The following ST8SIA2 variants were observed in gnomAD, a reference collection of about 807,000 sequenced individuals.
The protein encoded by ST8SIA2 is alpha-2,8-sialyltransferase 8B.
Under a neutral mutation model 37.6 loss-of-function variants are expected in ST8SIA2, and 22 were observed. The observed-to-expected ratio is 0.58, with a 90% CI of 0.42 to 0.83. The LOEUF is 0.83. ST8SIA2 is among the 40% of genes least tolerant of loss of function. The probability of loss-of-function intolerance (pLI) is 0.00; values close to 1 mark genes in which losing one functional copy is unlikely to be tolerated. For missense variants in ST8SIA2, 382 were observed against 484.7 expected (o/e 0.79, Z 1.99); for synonymous variants, 205 against 201.2 (o/e 1.02, Z -0.16).
intron 1 of ST8SIA2, among the ~76,000 whole-genome samples, chr15:92,398,217 G>T (rs910737070): frequency 6.6e-6 from 1 of 152,198 alleles, no homozygotes; most frequent in Non-Finnish European, 1.5e-5. Context: ...TCTCCCTGTA[G>T]AAACCTTTCC....
chr15:92,430,672 C>A lies in ST8SIA2; in HGVS notation c.161+561C>A, dbSNP rs570793584. On this transcript the variant is annotated intron_variant, in intron 2 of 5. Coordinates refer to ENST00000268164, the MANE Select transcript of ST8SIA2 (RefSeq NM_006011.4). ...GGACAGCTTGATGCAGGACAGCGTGCAAACCCAGGCTTGCCCCTGGCTGTG... is the reference window on the plus strand; with the variant it reads ...GGACAGCTTGATGCAGGACAGCGTGAAAACCCAGGCTTGCCCCTGGCTGTG... Among the ~76,000 whole-genome samples the A allele has an allele frequency of 1.8e-4, 27 of 152,320 alleles. No homozygotes were observed. The Middle Eastern group carries it at 0.017, about 96-fold the overall frequency.
chr15:92,446,459 G>A (rs960476918), intron 5 of ST8SIA2, among the ~76,000 whole-genome samples: 2 of 152,168 alleles, frequency 1.3e-5, no homozygotes, highest in African/African-American at 4.8e-5. Flanking sequence ...AGTAGACATA[G>A]ATCCTGCCTC....
intron 1 of ST8SIA2, among the ~76,000 whole-genome samples, chr15:92,421,864 G>A (rs77986102): frequency 0.026 from 4,009 of 152,222 alleles, 180 homozygotes; most frequent in African/African-American, 0.089. Context: ...CATGATGGCT[G>A]GAATAATAAC....
chr15:92,422,916 C>T (rs2049647443), intron 1 of ST8SIA2, among the ~76,000 whole-genome samples: 2 of 152,192 alleles, frequency 1.3e-5, no homozygotes, highest in Admixed American at 6.5e-5. Flanking sequence ...TTTCCTTGCT[C>T]ATCTCTGTGA....
At chr15:92,405,635 A>G (rs1176429008) in intron 1 of ST8SIA2, among the ~76,000 whole-genome samples, 1 of 152,260 alleles carries the variant, frequency 6.6e-6, no homozygotes, top group Admixed American at 6.5e-5. Context: ...TTTTAAAAAT[A>G]ATACAGGACC....
intron 1 of ST8SIA2, among the ~76,000 whole-genome samples, chr15:92,428,621 G>A (rs1023357123): frequency 1.1e-4 from 16 of 152,116 alleles, no homozygotes; most frequent in Admixed American, 3.3e-4. Flanking sequence ...CGACATTCCC[G>A]GACCCCAACA....
intron 5 of ST8SIA2, among the ~76,000 whole-genome samples, chr15:92,463,421 G>A (rs1265321678): frequency 6.6e-6 from 1 of 152,176 alleles, no homozygotes; most frequent in African/African-American, 2.4e-5. Context: ...GTCAGAGATG[G>A]GTATCAGAGA....
intron 5 of ST8SIA2, among the ~76,000 whole-genome samples, chr15:92,457,445 A>T (rs1223724930): frequency 1.3e-5 from 2 of 152,212 alleles, no homozygotes; most frequent in East Asian, 3.8e-4. Context: ...TGGGGTAGCC[A>T]ATTTGAAAAA....
At chr15:92,442,745 T>C (rs1313965069) in intron 4 of ST8SIA2, among the ~76,000 whole-genome samples, 1 of 152,182 alleles carries the variant, frequency 6.6e-6, no homozygotes, top group African/African-American at 2.4e-5. Flanking sequence ...CCCAGGGCAA[T>C]CCTATCTGCT....
intron 5 of ST8SIA2, among the ~76,000 whole-genome samples, chr15:92,448,292 G>A (rs1266162858): frequency 6.6e-6 from 1 of 152,170 alleles, no homozygotes; most frequent in African/African-American, 2.4e-5. Context: ...TCCCTCCGTG[G>A]GGCCATTGGA....
At chr15:92,404,471 T>C (rs2049493115) in intron 1 of ST8SIA2, among the ~76,000 whole-genome samples, 1 of 151,976 alleles carries the variant, frequency 6.6e-6, no homozygotes, top group African/African-American at 2.4e-5. Context: ...TCAAAAAATT[T>C]AACGTAGAAT....
chr15:92,393,923 G>A lies in ST8SIA2; in HGVS notation c.-142G>A. On this transcript the variant is annotated 5_prime_UTR_variant, in exon 1 of 6. Coordinates refer to ENST00000268164, the MANE Select transcript of ST8SIA2 (RefSeq NM_006011.4). ...CGCTGCCGCTGCCGCTGCCGCTGCC[G>A]CCGCCGGCCCGGACTCGTCCGGAGC... 1 of 317,884 alleles carries A rather than the reference G, an allele frequency of 3.1e-6. No homozygotes were observed. 19.7% of individuals were successfully genotyped at this position (317,884 alleles called of 1,614,324 possible).
At position 92,425,708 on chromosome 15, in the gene ST8SIA2, C is replaced by A. The variant is rs75067788; in HGVS notation, c.99-4341C>A. On this transcript the variant is annotated intron_variant, in intron 1 of 5. Transcript: ENST00000268164. ...AAGAATGGGCACGGTGGGGCCAGAG[C>A]GGGTCTAGGATTGGCTAGTTTGAGT... Among the ~76,000 whole-genome samples, 614 of 152,158 alleles carry A rather than the reference C, an allele frequency of 4.0e-3. 9 individuals carry two copies. The highest frequency in any genetic ancestry group is 0.014 in the African/African-American group (592 of 41,494).
intron 1 of ST8SIA2, among the ~76,000 whole-genome samples, chr15:92,426,446 G>A (rs956640357): frequency 6.6e-6 from 1 of 152,138 alleles, no homozygotes; most frequent in Non-Finnish European, 1.5e-5. Context: ...CCAAAATATC[G>A]AGTGCCGAGG....
chr15:92,461,446 G>A (rs3825983), intron 5 of ST8SIA2, among the ~76,000 whole-genome samples: 9,669 of 152,272 alleles, frequency 0.063, 567 homozygotes, highest in East Asian at 0.33. Context: ...GACAGCAGGA[G>A]AGATAACCTT....
Position 92,464,815 on chromosome 15 carries a change from A to T in ST8SIA2, c.*430A>T, listed in dbSNP as rs1283421410. 4.8e-6 allele frequency: 1 copy of T among 207,298 alleles called. No homozygotes were observed. Among genetic ancestry groups the T allele is most frequent in the Non-Finnish European group, 9.9e-6 (1 of 101,394 alleles). The allele number at this position is 207,298 out of a possible 1,614,324, so 12.8% of individuals were successfully genotyped here. The stretch of plus-strand genomic sequence containing the variant: ...CCTCTGGGATATGTGGATTCGGAGA[A>T]AGCTGAGGCCCAGAGGGGACACTCG... On this transcript the variant is annotated 3_prime_UTR_variant, in exon 6 of 6. Coordinates refer to ENST00000268164, the MANE Select transcript of ST8SIA2 (RefSeq NM_006011.4).
At chr15:92,458,844 T>A (rs2049937581) in intron 5 of ST8SIA2, among the ~76,000 whole-genome samples, 1 of 152,174 alleles carries the variant, frequency 6.6e-6, no homozygotes, top group Non-Finnish European at 1.5e-5. Context: ...CCTGGGCTGC[T>A]AAGCACAATA....
intron 5 of ST8SIA2, among the ~76,000 whole-genome samples, chr15:92,459,562 T>G (rs1567225806): frequency 6.6e-6 from 1 of 152,192 alleles, no homozygotes; most frequent in Non-Finnish European, 1.5e-5. Context: ...CACACAGACA[T>G]GGCCTGTGGG....
At chr15:92,418,462 CAAAAAAAAAA>C (rs34061544) in intron 1 of ST8SIA2, among the ~76,000 whole-genome samples, 1 of 100,070 alleles carries the variant, frequency 1.0e-5, no homozygotes, top group African/African-American at 4.0e-5. Context: ...GACCCTCCCT[CAAAAAAAAAA>C]AAAAAAAAAA....
Sources: allele counts gnomAD v4.1 joint callset (sites outside exome capture counted in the v4.1 genomes callset), GRCh38; gene constraint gnomAD v4.1.1; transcripts MANE v1.5; gene names NCBI Gene and HGNC (gene_info 2026-07-23, HGNC 2026-07-21).